Variants in QTGAL observed in about 807,000 individuals in gnomAD.
QTGAL encodes the protein queuosine-tRNA galactosyltransferase, also known as BGnT-like protein 1.
At chr17:82,958,954 GTA>G in the QTGAL span, among the ~76,000 whole-genome samples, 3 of 126,518 alleles carry the variant, frequency 2.4e-5, no homozygotes, top group African/African-American at 9.2e-5. Context: ...GTGTGGGGGT[GTA>G]TGTGTGTGTG....
At chr17:83,011,284 G>C in the QTGAL span, 1 of 152,256 alleles carries the variant, frequency 6.6e-6, no homozygotes, top group African/African-American at 2.4e-5. Flanking sequence ...GCTAACCTTG[G>C]ATAACGATGC....
chr17:83,038,821 C>T, the QTGAL span, among the ~76,000 whole-genome samples: 10 of 151,080 alleles, frequency 6.6e-5, no homozygotes, highest in Middle Eastern at 3.4e-3. Flanking sequence ...ATCGCGCCAC[C>T]GCACTCCAGC....
the QTGAL span, among the ~76,000 whole-genome samples, chr17:82,966,697 G>T: frequency 1.3e-4 from 20 of 152,234 alleles, no homozygotes; most frequent in African/African-American, 4.6e-4. Context: ...GCCTCAGACC[G>T]GACCTCAGTG....
chr17:83,016,449 G>T, the QTGAL span, among the ~76,000 whole-genome samples: 1 of 151,842 alleles, frequency 6.6e-6, no homozygotes, highest in Non-Finnish European at 1.5e-5. Context: ...TGGGAGGAGG[G>T]CAGAGAGAAG....
the QTGAL span, among the ~76,000 whole-genome samples, chr17:83,010,548 G>T: frequency 6.6e-6 from 1 of 152,262 alleles, no homozygotes; most frequent in Non-Finnish European, 1.5e-5. Flanking sequence ...CACAGGGCTG[G>T]GGGCCGTGGC....
chr17:82,954,635 A>G, the QTGAL span, among the ~76,000 whole-genome samples: 1 of 152,372 alleles, frequency 6.6e-6, no homozygotes, highest in East Asian at 1.9e-4. Context: ...AAACTACTTT[A>G]AATTTCATAT....
At chr17:82,984,874 G>T in the QTGAL span, among the ~76,000 whole-genome samples, 2 of 152,158 alleles carry the variant, frequency 1.3e-5, no homozygotes, top group Non-Finnish European at 2.9e-5. Context: ...GCTAGAGCAG[G>T]AGCATGCATC....
the QTGAL span, among the ~76,000 whole-genome samples, chr17:82,993,462 C>T: frequency 6.6e-6 from 1 of 152,136 alleles, no homozygotes; most frequent in Non-Finnish European, 1.5e-5. Context: ...TTGTAGCACC[C>T]AGATATATAA....
the QTGAL span, among the ~76,000 whole-genome samples, chr17:83,026,408 A>G: frequency 6.6e-6 from 1 of 152,274 alleles, no homozygotes; most frequent in Non-Finnish European, 1.5e-5. Context: ...ACGGATGTAC[A>G]CGGCAGGTTT....
chr17:83,034,944 T>C, the QTGAL span: 76 of 1,108,748 alleles, frequency 6.9e-5, no homozygotes, highest in Non-Finnish European at 5.3e-6. Context: ...AGAAAAATGA[T>C]TTTCAAGAAC....
the QTGAL span, chr17:82,942,491 C>T: frequency 1.9e-6 from 3 of 1,613,848 alleles, no homozygotes; most frequent in African/African-American, 1.3e-5. Flanking sequence ...ATACCTCACC[C>T]CTGCCTGGTG....
At chr17:83,022,261 A>T in the QTGAL span, among the ~76,000 whole-genome samples, 1 of 151,090 alleles carries the variant, frequency 6.6e-6, no homozygotes, top group African/African-American at 2.4e-5. Context: ...GTGTGAACTC[A>T]CATGAGCTTA....
chr17:83,009,572 G>A, the QTGAL span, among the ~76,000 whole-genome samples: 223 of 152,364 alleles, frequency 1.5e-3, 1 homozygote, highest in Middle Eastern at 0.01. Context: ...CAGGGCTGCT[G>A]GGGCTGCAGC....
At chr17:82,972,516 A>G in the QTGAL span, among the ~76,000 whole-genome samples, 3 of 116,502 alleles carry the variant, frequency 2.6e-5, no homozygotes, top group Non-Finnish European at 5.2e-5. Context: ...ACCATGGGCC[A>G]GAAGGACCTG....
chr17:83,006,093 C>T, the QTGAL span: 1 of 995,220 alleles, frequency 1.0e-6, no homozygotes, highest in Non-Finnish European at 1.2e-6. The surrounding 1 kb of genome is among the most constrained non-coding windows in gnomAD (Gnocchi z 5.8). Context: ...TAGACGTTCT[C>T]ACAGCACAGG....
chr17:82,991,597 C>G, the QTGAL span, among the ~76,000 whole-genome samples: 1 of 152,186 alleles, frequency 6.6e-6, no homozygotes, highest in Admixed American at 6.5e-5. Flanking sequence ...CAGGTACGAA[C>G]AAACATAGAC....
chr17:83,010,747 G>C, the QTGAL span, among the ~76,000 whole-genome samples: 1 of 152,226 alleles, frequency 6.6e-6, no homozygotes, highest in Non-Finnish European at 1.5e-5. Context: ...CTGCCGTGCC[G>C]TCTGGATGAT....
the QTGAL span, among the ~76,000 whole-genome samples, chr17:82,963,066 G>C: frequency 1.3e-5 from 2 of 152,214 alleles, no homozygotes; most frequent in Non-Finnish European, 2.9e-5. Flanking sequence ...TCACAACCCA[G>C]AAAGGCATCA....
At chr17:83,024,211 A>G in the QTGAL span, among the ~76,000 whole-genome samples, 136 of 151,996 alleles carry the variant, frequency 8.9e-4, no homozygotes, top group Non-Finnish European at 1.5e-3. Context: ...CGTCTGCAGA[A>G]GAGCCCCCAG....
Sources: allele counts gnomAD v4.1 joint callset (sites outside exome capture counted in the v4.1 genomes callset), GRCh38; gene constraint gnomAD v4.1.1; non-coding constraint Gnocchi (gnomAD v3.1); transcripts MANE v1.5; gene names NCBI Gene and HGNC (gene_info 2026-07-23, HGNC 2026-07-21).